Variants in ERC2 observed in about 807,000 individuals in gnomAD.
ERC2 encodes the protein ERC protein 2.
In ERC2, 42 loss-of-function variants were observed where a neutral mutation model predicts 114.8. The ratio of observed to expected loss-of-function variants is 0.37; its 90% confidence interval spans 0.29 to 0.47. ERC2 has a LOEUF of 0.47. Among genes scored for constraint, ERC2 ranks in the 20% least tolerant of loss-of-function variants. The pLI, the probability that ERC2 is intolerant of heterozygous loss-of-function variation, is 0.99. For synonymous variants in ERC2, 454 were observed against 425.5 expected (o/e 1.07, Z -0.82); for missense variants, 939 against 1,150.7 (o/e 0.82, Z 2.66).
intron 17 of ERC2, among the ~76,000 whole-genome samples, chr3:55,584,847 C>T (rs1028188696): frequency 5.3e-5 from 8 of 152,204 alleles, no homozygotes; most frequent in Admixed American, 2.6e-4. Flanking sequence ...TGGGCATTCC[C>T]GCCCCAAGAA....
At chr3:55,868,991 A>G (rs2062447507) in intron 14 of ERC2, among the ~76,000 whole-genome samples, 1 of 152,130 alleles carries the variant, frequency 6.6e-6, no homozygotes, top group African/African-American at 2.4e-5. Flanking sequence ...CTTTCATTGT[A>G]TATCTTATTT....
intron 3 of ERC2, among the ~76,000 whole-genome samples, chr3:56,191,968 T>C (rs75696950): frequency 0.029 from 4,414 of 152,324 alleles, 70 homozygotes; most frequent in Middle Eastern, 0.058. Context: ...ATTTCAGGTA[T>C]TAATAGTGTC....
intron 14 of ERC2, among the ~76,000 whole-genome samples, chr3:55,866,084 G>T (rs987576212): frequency 6.6e-6 from 1 of 152,090 alleles, no homozygotes; most frequent in East Asian, 1.9e-4. Flanking sequence ...AATGTATGAG[G>T]TTTACAGTTT....
intron 14 of ERC2, among the ~76,000 whole-genome samples, chr3:55,827,212 G>A (rs1341793584): frequency 6.9e-6 from 1 of 145,270 alleles, no homozygotes; most frequent in East Asian, 2.0e-4. Flanking sequence ...AGAAAATAAA[G>A]GAAGAAGAAA....
intron 7 of ERC2, among the ~76,000 whole-genome samples, chr3:56,069,796 T>A (rs769890158): frequency 6.6e-6 from 1 of 152,230 alleles, no homozygotes; most frequent in Non-Finnish European, 1.5e-5. Context: ...AAAAATGTTA[T>A]GACAAAGGCT....
intron 2 of ERC2, among the ~76,000 whole-genome samples, chr3:56,412,902 T>C (rs1464929301): frequency 1.3e-5 from 2 of 152,166 alleles, no homozygotes; most frequent in African/African-American, 4.8e-5. Flanking sequence ...TAGAAAAAAA[T>C]GGATAGACAT....
intron 5 of ERC2, 47 bp downstream of exon 5, chr3:56,148,930 T>A (rs1360279128): frequency 6.4e-7 from 1 of 1,570,564 alleles, no homozygotes; most frequent in Middle Eastern, 1.7e-4. Flanking sequence ...AAACTGTAAC[T>A]TTCTAGTCAC....
chr3:56,097,695 C>T (rs2078138913), intron 6 of ERC2, among the ~76,000 whole-genome samples: 1 of 152,168 alleles, frequency 6.6e-6, no homozygotes, highest in Non-Finnish European at 1.5e-5. Context: ...AGAGGTGGAA[C>T]TCACTGATCC....
chr3:56,021,905 T>C (rs1344835276), intron 7 of ERC2, among the ~76,000 whole-genome samples: 3 of 152,226 alleles, frequency 2.0e-5, no homozygotes, highest in Non-Finnish European at 4.4e-5. Context: ...CATTATCTCA[T>C]TCTTTTTTAT....
chr3:55,537,982 G>A (rs747742792), intron 17 of ERC2, among the ~76,000 whole-genome samples: 3 of 152,160 alleles, frequency 2.0e-5, no homozygotes, highest in Non-Finnish European at 4.4e-5. Flanking sequence ...TGGTAGGTGT[G>A]TGGGAGGCGG....
chr3:56,443,100 A>G (rs1233864901), intron 1 of ERC2, among the ~76,000 whole-genome samples: 1 of 152,234 alleles, frequency 6.6e-6, no homozygotes, highest in Non-Finnish European at 1.5e-5. Context: ...GGAAATAAAT[A>G]TAATTCTGTA....
At chr3:55,530,172 C>T (rs1156421667) in intron 17 of ERC2, among the ~76,000 whole-genome samples, 4 of 152,116 alleles carry the variant, frequency 2.6e-5, no homozygotes, top group Non-Finnish European at 5.9e-5. Flanking sequence ...AATTCAAAAC[C>T]AAGGATACCT....
At chr3:55,772,663 C>T (rs1438576561) in intron 14 of ERC2, among the ~76,000 whole-genome samples, 1 of 151,950 alleles carries the variant, frequency 6.6e-6, no homozygotes, top group African/African-American at 2.4e-5. Context: ...AAGTTATCAC[C>T]CATCCTTTCC....
intron 17 of ERC2, among the ~76,000 whole-genome samples, chr3:55,565,453 C>A (rs948233378): frequency 2.6e-5 from 4 of 152,070 alleles, no homozygotes; most frequent in African/African-American, 9.7e-5. Context: ...CAGAGTGTCC[C>A]CTTTCTGCCC....
chr3:55,547,955 G>C, intron 17 of ERC2, among the ~76,000 whole-genome samples: 1 of 152,172 alleles, frequency 6.6e-6, no homozygotes, highest in East Asian at 1.9e-4. Flanking sequence ...TGCTCCAGAG[G>C]ACCCCCATGA....
chr3:56,432,101 T>C lies in ERC2; in HGVS notation c.657+2250A>G, dbSNP rs116336469. Among the ~76,000 whole-genome samples, 1,066 of 152,326 alleles carry C rather than the reference T, an allele frequency of 7.0e-3. 22 individuals carry two copies. The highest frequency in any genetic ancestry group is 0.024 in the African/African-American group (1,018 of 41,556). On this transcript the variant is annotated intron_variant, in intron 2 of 17. Transcript: ENST00000288221. Reference sequence around the variant, plus strand: ...AAGTGGAAAAGGTTTTATATGTCACTAAAATGTATCTCAATGTATTATTTT... The same window carrying C: ...AAGTGGAAAAGGTTTTATATGTCACCAAAATGTATCTCAATGTATTATTTT...
intron 3 of ERC2, among the ~76,000 whole-genome samples, chr3:56,240,343 A>T (rs2051243658): frequency 6.6e-6 from 1 of 152,230 alleles, no homozygotes. Context: ...TTAACAGAAC[A>T]TTAACTGAGA....
intron 2 of ERC2, among the ~76,000 whole-genome samples, chr3:56,344,863 A>T (rs1376897064): frequency 6.6e-6 from 1 of 152,186 alleles, no homozygotes; most frequent in Non-Finnish European, 1.5e-5. Context: ...TAAGCACAGC[A>T]TCTGCTACAG....
chr3:55,890,704 G>T (rs757773364), intron 13 of ERC2, among the ~76,000 whole-genome samples: 2 of 152,212 alleles, frequency 1.3e-5, no homozygotes, highest in Non-Finnish European at 2.9e-5. Flanking sequence ...TGATGGAGAA[G>T]CCACTGGCCT....
Sources: allele counts gnomAD v4.1 joint callset (sites outside exome capture counted in the v4.1 genomes callset), GRCh38; gene constraint gnomAD v4.1.1; transcripts MANE v1.5; gene names NCBI Gene and HGNC (gene_info 2026-07-23, HGNC 2026-07-21).